Variants in PDZD2 observed in about 807,000 individuals in gnomAD.
PDZD2 encodes the protein PDZ domain-containing protein 2.
In PDZD2, 90 loss-of-function variants were observed where a neutral mutation model predicts 220.7. The ratio of observed to expected loss-of-function variants is 0.41; its 90% CI spans 0.34 to 0.49. The LOEUF (loss-of-function observed/expected upper bound fraction) is 0.49. Ranked by LOEUF, PDZD2 falls within the 20% of genes least tolerant of loss-of-function variation. PDZD2 has a pLI of 0.28. For missense variants in PDZD2, 3,174 were observed against 3,608.5 expected, an observed-to-expected ratio of 0.88 and a Z score of 3.08; for synonymous variants, 1,375 against 1,450.5, an observed-to-expected ratio of 0.95 and a Z score of 1.18.
At chr5:32,048,145 G>GA (rs1220679414) in intron 7 of PDZD2, among the ~76,000 whole-genome samples, 4 of 151,720 alleles carry the variant, frequency 2.6e-5, no homozygotes, top group Admixed American at 2.0e-4. Flanking sequence ...CCTATACTTG[G>GA]AAAAAAAACA....
At chr5:31,855,386 G>T (rs1758355206) in intron 2 of PDZD2, among the ~76,000 whole-genome samples, 2 of 152,242 alleles carry the variant, frequency 1.3e-5, no homozygotes, top group Admixed American at 1.3e-4. Flanking sequence ...TGTGTTCCTC[G>T]GGAGGAGTAA....
chr5:32,004,138 G>A (rs1303928588), intron 5 of PDZD2, among the ~76,000 whole-genome samples: 1 of 151,752 alleles, frequency 6.6e-6, no homozygotes, highest in Non-Finnish European at 1.5e-5. Flanking sequence ...AGCAAATAAT[G>A]AAGGGGCTTT....
At chr5:32,054,005 T>C in intron 10 of PDZD2, 122 bp downstream of exon 10, 1 of 645,396 alleles carries the variant, frequency 1.5e-6, no homozygotes, top group South Asian at 1.8e-5. Context: ...CTGCCTGGCA[T>C]AGTCAGTGTA....
At chr5:31,673,624 G>A (rs1746295439) in intron 1 of PDZD2, among the ~76,000 whole-genome samples, 1 of 152,118 alleles carries the variant, frequency 6.6e-6, no homozygotes. Flanking sequence ...GACTCTGGGA[G>A]GTAATTAGGT....
intron 1 of PDZD2, among the ~76,000 whole-genome samples, chr5:31,712,439 T>G: frequency 7.2e-6 from 1 of 138,616 alleles, no homozygotes; most frequent in Non-Finnish European, 1.5e-5. Flanking sequence ...GGCACTGGGA[T>G]GGCTGGGCCT....
At chr5:31,908,369 C>T (rs970114651) in intron 2 of PDZD2, 2 of 330,354 alleles carry the variant, frequency 6.1e-6, no homozygotes, top group Admixed American at 4.7e-5. Flanking sequence ...TCATGATTAT[C>T]TACTGGGACC....
intron 1 of PDZD2, among the ~76,000 whole-genome samples, chr5:31,697,161 T>A (rs1423834460): frequency 6.6e-6 from 1 of 152,126 alleles, no homozygotes; most frequent in African/African-American, 2.4e-5. Flanking sequence ...GTAGAAAGTT[T>A]AGAAAATAGG....
intron 2 of PDZD2, among the ~76,000 whole-genome samples, chr5:31,875,600 AT>A (rs1739234354): frequency 7.0e-6 from 1 of 143,808 alleles, no homozygotes; most frequent in African/African-American, 2.7e-5. Context: ...AAAAAAAAAT[AT>A]ATATATATAT....
chr5:31,858,881 G>T (rs1304164182), intron 2 of PDZD2, among the ~76,000 whole-genome samples: 1 of 152,050 alleles, frequency 6.6e-6, no homozygotes, highest in African/African-American at 2.4e-5. Context: ...ACCTTGCCCA[G>T]CTAATTTTTG....
At chr5:32,105,379 C>A (rs1744668353) in intron 24 of PDZD2, among the ~76,000 whole-genome samples, 1 of 152,118 alleles carries the variant, frequency 6.6e-6, no homozygotes. Context: ...AAATCTCATA[C>A]TATGATGTGT....
chr5:32,052,075 G>T (rs1211204319), intron 8 of PDZD2, among the ~76,000 whole-genome samples: 1 of 152,206 alleles, frequency 6.6e-6, no homozygotes, highest in African/African-American at 2.4e-5. Context: ...GCAACACAAG[G>T]TGCTTAAGAT....
intron 2 of PDZD2, among the ~76,000 whole-genome samples, chr5:31,929,829 C>T (rs928368992): frequency 6.6e-6 from 1 of 152,092 alleles, no homozygotes; most frequent in African/African-American, 2.4e-5. Flanking sequence ...GCATGTTTGT[C>T]CCCTCCAAGT....
At chr5:31,890,053 A>G (rs1412046269) in intron 2 of PDZD2, among the ~76,000 whole-genome samples, 11 of 106,272 alleles carry the variant, frequency 1.0e-4, no homozygotes, top group Admixed American at 8.4e-4. Flanking sequence ...ACACCCCCCC[A>G]CCCCCACCAA....
chr5:31,802,462 A>G (rs58338693), intron 2 of PDZD2, among the ~76,000 whole-genome samples: 4,248 of 152,230 alleles, frequency 0.028, 182 homozygotes, highest in African/African-American at 0.097. Flanking sequence ...AAATGCTTGG[A>G]TGGGTGTGAC....
At chr5:31,979,579 CA>C (rs10590418) in intron 2 of PDZD2, among the ~76,000 whole-genome samples, 59,246 of 138,240 alleles carry the variant, frequency 0.43, 12,128 homozygotes, top group Non-Finnish European at 0.46. Flanking sequence ...GACTCTGTCT[CA>C]AAAAAAAAAA....
rs761884975 is a variant in PDZD2, at chr5:32,089,791, C to T, written c.6343C>T (p.Arg2115Trp). The T allele has an allele frequency of 8.1e-6, 13 of 1,614,156 alleles. No homozygotes were observed. Among genetic ancestry groups the T allele is most frequent in the South Asian group, 5.5e-5 (5 of 91,086 alleles). ...TAACAAGCCAGCTGAAAGCGACAGA[C>T]GGGGAGGGTGCTTGGCCCAGGGCAA... ...CGNKPAESDR[R>W]GGCLAQGNCQ... Residue 2115 changes from arginine (R) to tryptophan (W), a missense_variant, in exon 20 of 25, where the codon CGG (arginine) becomes TGG (tryptophan). Arg to Trp is a moderately radical substitution (Grantham distance 101). Coordinates refer to ENST00000438447, the MANE Select transcript of PDZD2 (RefSeq NM_178140.4).
At chr5:32,028,040 A>G (rs1426523488) in intron 6 of PDZD2, among the ~76,000 whole-genome samples, 1 of 151,910 alleles carries the variant, frequency 6.6e-6, no homozygotes, top group Non-Finnish European at 1.5e-5. Context: ...ACATCTGCAG[A>G]TTTTTTCTTT....
chr5:31,701,241 G>A (rs777801040), intron 1 of PDZD2, among the ~76,000 whole-genome samples: 28 of 152,174 alleles, frequency 1.8e-4, no homozygotes, highest in Non-Finnish European at 2.4e-4. Flanking sequence ...CTATTACCCA[G>A]GCTGGGGTGC....
rs1651061 is a variant in PDZD2, at chr5:31,675,277, G to A, written c.-361+35840G>A. Among the ~76,000 whole-genome samples the A allele has an allele frequency of 5.0e-3, 768 of 152,116 alleles. 5 individuals carry two copies. Among genetic ancestry groups the A allele is most frequent in the African/African-American group, 0.018 (733 of 41,496 alleles). On this transcript the variant is annotated intron_variant, in intron 1 of 24. Transcript: ENST00000438447. ...CTGAAGCCCCAAAGCTGGTAGGCTC[G>A]TGGGCTCCTTCTCCCCGCTCCCACC...
Sources: gnomAD v4.1 joint callset for allele counts (sites outside exome capture counted in the v4.1 genomes callset) on GRCh38, gnomAD v4.1.1 for gene constraint, MANE v1.5 for transcripts, NCBI Gene and HGNC (gene_info 2026-07-23, HGNC 2026-07-21) for gene names.